The following ERC2 variants were observed in gnomAD, a reference collection of about 807,000 sequenced individuals.
ERC2 encodes ELKS/RAB6-interacting/CAST family member 2, also known as ERC protein 2.
In ERC2, 42 loss-of-function variants were observed where a neutral mutation model predicts 114.8. That is an observed-to-expected ratio of 0.37 (90% CI 0.29 to 0.47). The LOEUF (loss-of-function observed/expected upper bound fraction) is 0.47, where lower values mean the gene tolerates loss of function less well. Ranked by LOEUF, ERC2 falls within the 20% of genes least tolerant of loss-of-function variation. The pLI is 0.99. For missense variants in ERC2, 939 were observed against 1,150.7 expected, an observed-to-expected ratio of 0.82 and a Z score of 2.66; for synonymous variants, 454 against 425.5, an observed-to-expected ratio of 1.07 and a Z score of -0.82.
chr3:55,859,322 C>T (rs114092494), intron 14 of ERC2, among the ~76,000 whole-genome samples: 5,950 of 152,142 alleles, frequency 0.039, 170 homozygotes, highest in Middle Eastern at 0.079. Context: ...CCTTCCCTCA[C>T]CCCCTCGCAG....
At chr3:55,707,875 T>G (rs752360026) in intron 15 of ERC2, among the ~76,000 whole-genome samples, 4 of 152,210 alleles carry the variant, frequency 2.6e-5, no homozygotes, top group Non-Finnish European at 5.9e-5. Flanking sequence ...TTGAAGCTTC[T>G]TATTACTCCC....
At chr3:56,384,490 A>T (rs2059865017) in intron 2 of ERC2, among the ~76,000 whole-genome samples, 1 of 152,052 alleles carries the variant, frequency 6.6e-6, no homozygotes, top group Non-Finnish European at 1.5e-5. Flanking sequence ...GGCCATCTGT[A>T]TGTCTTCTTT....
Position 55,985,998 on chromosome 3 carries a change from G to A in ERC2, c.2256-10C>T. On this transcript the variant is annotated splice_polypyrimidine_tract_variant and intron_variant, in intron 11 of 17. Coordinates refer to ENST00000288221, the MANE Select transcript of ERC2 (RefSeq NM_015576.3). ...TGACCTGAGAGTCAAGCTGATTGGA[G>A]CAAGGGTGAAAGCAGCAATTTGGAG... 6.5e-7 allele frequency: 1 copy of A among 1,539,908 alleles called. No homozygotes were observed. The highest frequency in any genetic ancestry group is 8.7e-7 in the Non-Finnish European group (1 of 1,148,294).
chr3:56,248,755 A>C (rs1355438152), intron 3 of ERC2, among the ~76,000 whole-genome samples: 3 of 152,198 alleles, frequency 2.0e-5, no homozygotes, highest in African/African-American at 7.2e-5. Flanking sequence ...CCCTAAAATA[A>C]TTTATAATGG....
chr3:56,287,424 G>A (rs1430357702), intron 3 of ERC2, among the ~76,000 whole-genome samples: 2 of 152,142 alleles, frequency 1.3e-5, no homozygotes, highest in Admixed American at 6.5e-5. Flanking sequence ...AATTTATGGA[G>A]GGCCAGGTGC....
chr3:55,812,879 C>G (rs2059773278), intron 14 of ERC2, among the ~76,000 whole-genome samples: 2 of 152,232 alleles, frequency 1.3e-5, no homozygotes, highest in Non-Finnish European at 2.9e-5. Flanking sequence ...GTGCACGTGT[C>G]TTGCATGCTG....
At chr3:55,874,448 A>G (rs1159740725) in intron 14 of ERC2, among the ~76,000 whole-genome samples, 1 of 152,070 alleles carries the variant, frequency 6.6e-6, no homozygotes, top group Non-Finnish European at 1.5e-5. Flanking sequence ...TTACAAAACC[A>G]CAGAATGGTG....
In ERC2 at chr3:55,620,499, A is replaced by G. The variant is rs1186024805; in HGVS notation, c.*39+63295T>C. On this transcript the variant is annotated intron_variant, in intron 17 of 17. Transcript: ENST00000288221. ...CTTGCTTTTCACAATGACTCTGCAC[A>G]TTCCGGAGAAGGATCGGCATAAACA... Among the ~76,000 whole-genome samples, 4 of 152,172 alleles carry G rather than the reference A, an allele frequency of 2.6e-5. 1 individual carries two copies. Among genetic ancestry groups the G allele is most frequent in the Admixed American group, 2.6e-4 (4 of 15,280 alleles).
chr3:56,038,773 G>A (rs1399836524), intron 7 of ERC2, among the ~76,000 whole-genome samples: 5 of 152,192 alleles, frequency 3.3e-5, no homozygotes. Flanking sequence ...ATAAGATCAT[G>A]TCCTTTGCAG....
chr3:55,917,771 T>G (rs565692131), intron 13 of ERC2, among the ~76,000 whole-genome samples: 2 of 152,168 alleles, frequency 1.3e-5, no homozygotes, highest in Non-Finnish European at 2.9e-5. Flanking sequence ...CTTTAAATGG[T>G]GAATTGCATG....
intron 1 of ERC2, among the ~76,000 whole-genome samples, chr3:56,452,183 C>T (rs2062854168): frequency 6.6e-6 from 1 of 152,154 alleles, no homozygotes. Context: ...TCAAGCTGTA[C>T]CCTAAGGAAT....
intron 1 of ERC2, among the ~76,000 whole-genome samples, chr3:56,438,284 T>C (rs2062120807): frequency 6.6e-6 from 1 of 152,226 alleles, no homozygotes; most frequent in Admixed American, 6.5e-5. Context: ...TGCCTTGCCC[T>C]ATCTGCTTCC....
At chr3:56,433,694 T>C (rs1359171084) in intron 2 of ERC2, 2 of 152,534 alleles carry the variant, frequency 1.3e-5, no homozygotes, top group Non-Finnish European at 2.9e-5. Flanking sequence ...GAACCTGTTT[T>C]TCCTGTGGCA....
chr3:56,206,065 C>T (rs1269577070), intron 3 of ERC2, among the ~76,000 whole-genome samples: 1 of 152,138 alleles, frequency 6.6e-6, no homozygotes, highest in Non-Finnish European at 1.5e-5. Flanking sequence ...TGAGCCCTCA[C>T]TACTTAGGCA....
At chr3:56,199,273 AAATGGAGACCTC>A (rs1381285824) in intron 3 of ERC2, among the ~76,000 whole-genome samples, 1 of 152,168 alleles carries the variant, frequency 6.6e-6, no homozygotes, top group Admixed American at 6.5e-5. Flanking sequence ...GGTGACATTT[AAATGGAGACCTC>A]AAGGGTGAAA....
chr3:56,237,430 G>C (rs991195121), intron 3 of ERC2, among the ~76,000 whole-genome samples: 8 of 152,112 alleles, frequency 5.3e-5, no homozygotes, highest in Non-Finnish European at 1.5e-5. Flanking sequence ...CTTTGATCAG[G>C]GAGAAAAGCA....
chr3:55,859,568 T>C (rs1052018538), intron 14 of ERC2, among the ~76,000 whole-genome samples: 1 of 152,100 alleles, frequency 6.6e-6, no homozygotes, highest in Non-Finnish European at 1.5e-5. Flanking sequence ...AAAGCTGTCA[T>C]TACAAACCAT....
chr3:55,996,344 G>C (rs1299305643), intron 10 of ERC2, among the ~76,000 whole-genome samples: 3 of 152,130 alleles, frequency 2.0e-5, no homozygotes, highest in Non-Finnish European at 2.9e-5. Flanking sequence ...AATATAGCAA[G>C]CTCATCGTCA....
chr3:55,876,254 A>T (rs960523600), intron 14 of ERC2, among the ~76,000 whole-genome samples: 1 of 152,114 alleles, frequency 6.6e-6, no homozygotes, highest in African/African-American at 2.4e-5. Context: ...ACTTCACTTG[A>T]TAATATTTGG....
Sources: gnomAD v4.1 joint callset for allele counts (sites outside exome capture counted in the v4.1 genomes callset) on GRCh38, gnomAD v4.1.1 for gene constraint, MANE v1.5 for transcripts, NCBI Gene and HGNC (gene_info 2026-07-23, HGNC 2026-07-21) for gene names.